FBLN1: variants seen among roughly 807,000 people sequenced by gnomAD.
FBLN1 encodes the protein fibulin-1.
FBLN1 carries 34 observed loss-of-function variants against 89.7 expected under a neutral mutation model. That is an observed-to-expected ratio of 0.38 (90% CI 0.29 to 0.50). The LOEUF (loss-of-function observed/expected upper bound fraction) is 0.50, where lower values mean the gene tolerates loss of function less well. Ranked by LOEUF, FBLN1 falls within the 20% of genes least tolerant of loss-of-function variation. FBLN1 has a pLI of 0.92. For synonymous variants in FBLN1, 393 were observed against 391.3 expected, an observed-to-expected ratio of 1.00 and a Z score of -0.05; for missense variants, 777 against 988.1, an observed-to-expected ratio of 0.79 and a Z score of 2.86.
At position 45,581,560 on chromosome 22, in the gene FBLN1, A is replaced by G. The variant is rs554344481; in HGVS notation, c.1972+4452A>G. Among the ~76,000 whole-genome samples, 1 of 152,312 alleles carries G rather than the reference A, an allele frequency of 6.6e-6. No homozygotes were observed. Among genetic ancestry groups the G allele is most frequent in the East Asian group, 1.9e-4 (1 of 5,182 alleles). ...CAGGAGCTACAGAGCCTGCAGGTGAAGTAATTCTTTGGCCTACGGACGAAT... is the reference window on the plus strand; with the variant it reads ...CAGGAGCTACAGAGCCTGCAGGTGAGGTAATTCTTTGGCCTACGGACGAAT... On this transcript the variant is annotated intron_variant, in intron 16 of 16. Transcript: ENST00000327858. The surrounding 1 kb of genome is among the most constrained non-coding windows in gnomAD (Gnocchi z 7.6).
chr22:45,556,149 C>A lies in FBLN1; in HGVS notation c.1697+5534C>A, dbSNP rs1174072201. ...TAGCTGAGATTACAGGTGTGCACCA[C>A]CATACCCAGCTAATTTTTCTATTTT... On this transcript the variant is annotated intron_variant, in intron 14 of 16. Coordinates refer to ENST00000327858, the MANE Select transcript of FBLN1 (RefSeq NM_006486.3). The surrounding 1 kb of genome is among the most constrained non-coding windows in gnomAD (Gnocchi z 4.6). Among the ~76,000 whole-genome samples the A allele has an allele frequency of 6.6e-6, 1 of 152,188 alleles. No individual in the cohort carries two copies. The highest frequency in any genetic ancestry group is 2.4e-5 in the African/African-American group (1 of 41,472).
chr22:45,543,763 A>G (rs1324326948), intron 11 of FBLN1, among the ~76,000 whole-genome samples: 1 of 152,224 alleles, frequency 6.6e-6, no homozygotes, highest in African/African-American at 2.4e-5. Context: ...GCTGCGGCAG[A>G]GGCCATGCGG....
Position 45,507,807 on chromosome 22 carries a change from C to T in FBLN1, c.79+4743C>T, listed in dbSNP as rs563872983. 7.9e-5 allele frequency among the ~76,000 whole-genome samples: 12 copies of T among 152,316 alleles called. No individual in the cohort carries two copies. In the East Asian group the frequency reaches 1.5e-3, roughly 20 times the overall value. On this transcript the variant is annotated intron_variant, in intron 1 of 16. Transcript: ENST00000327858. ...CCTCCCAAAGTGTTGGGATTACAGG[C>T]GTGAGCCACTGCGCCTGGCCCTGTT...
At chr22:45,568,301 T>C (rs981087637) in intron 14 of FBLN1, among the ~76,000 whole-genome samples, 7 of 152,248 alleles carry the variant, frequency 4.6e-5, no homozygotes, top group Non-Finnish European at 7.3e-5. Flanking sequence ...CTTAAAATAA[T>C]AGAAATGTAT....
intron 14 of FBLN1, chr22:45,565,146 C>T (rs768539276): frequency 2.2e-5 from 34 of 1,577,244 alleles, no homozygotes; most frequent in Non-Finnish European, 2.5e-5. Flanking sequence ...AGCCTCGAGT[C>T]TCCCATGTTG....
At chr22:45,508,031 C>T (rs1007714316) in intron 1 of FBLN1, among the ~76,000 whole-genome samples, 1 of 152,188 alleles carries the variant, frequency 6.6e-6, no homozygotes, top group Non-Finnish European at 1.5e-5. Context: ...CTCCCCACAG[C>T]ACGGGGACTC....
At chr22:45,506,634 G>C (rs1416404510) in intron 1 of FBLN1, among the ~76,000 whole-genome samples, 1 of 152,184 alleles carries the variant, frequency 6.6e-6, no homozygotes, top group African/African-American at 2.4e-5. Context: ...GGTGTTCCTG[G>C]CAGGGGAAAT....
rs1036058022 is a variant in FBLN1, at chr22:45,531,091, T to G, written c.485-174T>G. Among the ~76,000 whole-genome samples the G allele has an allele frequency of 6.6e-6, 1 of 152,182 alleles. No individual in the cohort carries two copies. The highest frequency in any genetic ancestry group is 6.5e-5 in the Admixed American group (1 of 15,268). On this transcript the variant is annotated intron_variant, in intron 4 of 16. Coordinates refer to ENST00000327858, the MANE Select transcript of FBLN1 (RefSeq NM_006486.3). This position sits in a 1 kb window ranked among gnomAD's most constrained non-coding sequence, Gnocchi z 4.9. The stretch of plus-strand genomic sequence containing the variant: ...TAATTGATCAGATATCAATTATACA[T>G]TTTCAAGTGTAATTCTAGCTTAAAG...
At position 45,527,773 on chromosome 22, in the gene FBLN1, C is replaced by G. The variant is rs1045170129; in HGVS notation, c.322-74C>G. 5.3e-6 allele frequency: 8 copies of G among 1,511,782 alleles called. No individual in the cohort carries two copies. In the African/African-American group the frequency reaches 9.6e-5, roughly 18 times the overall value. The allele number at this position is 1,511,782 out of a possible 1,614,324, so 93.6% of individuals were successfully genotyped here. On this transcript the variant is annotated intron_variant, in intron 3 of 16. Coordinates refer to ENST00000327858, the MANE Select transcript of FBLN1 (RefSeq NM_006486.3). ...TGGACAGGGGGCTCAGAGAGGCCTC[C>G]CCTGAGGCCTCTCGTGGACCCCGCT...
In FBLN1 at chr22:45,537,666, A is replaced by G. The variant is rs2088499942; in HGVS notation, c.922+2329A>G. On this transcript the variant is annotated intron_variant, in intron 8 of 16. Coordinates refer to ENST00000327858, the MANE Select transcript of FBLN1 (RefSeq NM_006486.3). This position sits in a 1 kb window ranked among gnomAD's most constrained non-coding sequence, Gnocchi z 5.7. The stretch of plus-strand genomic sequence containing the variant: ...AAGACAAGTGGAACAGTGAGCCCTT[A>G]GGACAGGGGCCTCGTCTGAAACCCG... Among the ~76,000 whole-genome samples, 1 of 151,042 alleles carries G rather than the reference A, an allele frequency of 6.6e-6. No homozygotes were observed.
intron 8 of FBLN1, among the ~76,000 whole-genome samples, chr22:45,539,843 A>C (rs923500763): frequency 2.6e-5 from 4 of 152,158 alleles, no homozygotes; most frequent in Non-Finnish European, 4.4e-5. Flanking sequence ...TGTGGAACAG[A>C]GTTTGGGGAA....
At chr22:45,560,269 G>A (rs1405874790) in intron 14 of FBLN1, among the ~76,000 whole-genome samples, 1 of 152,180 alleles carries the variant, frequency 6.6e-6, no homozygotes, top group African/African-American at 2.4e-5. Flanking sequence ...AGTGACTGTG[G>A]TTCCCACTGT....
chr22:45,523,555 T>C (rs957922120), intron 2 of FBLN1, among the ~76,000 whole-genome samples: 1 of 152,070 alleles, frequency 6.6e-6, no homozygotes, highest in African/African-American at 2.4e-5. Flanking sequence ...ATATAAAAAA[T>C]TAGCTGGGCA....
chr22:45,527,681 G>T (rs932432896), intron 3 of FBLN1, among the ~76,000 whole-genome samples, 166 bp from the exon 4 acceptor site: 3 of 152,138 alleles, frequency 2.0e-5, no homozygotes, highest in African/African-American at 7.2e-5. Context: ...GCCTTGCTTT[G>T]CTATTTGTTG....
intron 4 of FBLN1, 41 bp downstream of exon 4, chr22:45,528,050 G>A: frequency 6.2e-7 from 1 of 1,604,168 alleles, no homozygotes; most frequent in South Asian, 1.1e-5. Flanking sequence ...AGTGTATTAA[G>A]GTTCTCCGGG....
At chr22:45,543,932 T>C (rs2088592652) in intron 11 of FBLN1, among the ~76,000 whole-genome samples, 3 of 152,156 alleles carry the variant, frequency 2.0e-5, no homozygotes, top group Admixed American at 2.0e-4. Flanking sequence ...AAAGACAGTG[T>C]GTGGGTTTTA....
chr22:45,516,532 A>G (rs1388219425), intron 1 of FBLN1, among the ~76,000 whole-genome samples: 1 of 152,198 alleles, frequency 6.6e-6, no homozygotes, highest in African/African-American at 2.4e-5. Context: ...CACGGTTGTC[A>G]CTCCTGATGA....
At chr22:45,582,673 C>A (rs570023430) in intron 16 of FBLN1, among the ~76,000 whole-genome samples, 2 of 152,176 alleles carry the variant, frequency 1.3e-5, no homozygotes, top group Non-Finnish European at 2.9e-5. Context: ...AGGAGCTTCA[C>A]GGCTGGGAAT....
intron 1 of FBLN1, 127 bp downstream of exon 1, chr22:45,503,191 G>T: frequency 3.9e-6 from 2 of 513,586 alleles, no homozygotes; most frequent in African/African-American, 2.1e-5. Context: ...CCCCCGGACT[G>T]TCAGCGCCGA....
Sources: gnomAD v4.1 joint callset for allele counts (sites outside exome capture counted in the v4.1 genomes callset) on GRCh38, gnomAD v4.1.1 for gene constraint, Gnocchi (gnomAD v3.1) non-coding constraint, MANE v1.5 for transcripts, NCBI Gene and HGNC (gene_info 2026-07-23, HGNC 2026-07-21) for gene names.